Variants in OGA observed in about 807,000 individuals in gnomAD.
OGA encodes the protein O-GlcNAcase.
Under a neutral mutation model 102.0 loss-of-function variants are expected in OGA, and 21 were observed. The observed-to-expected ratio is 0.21, with a 90% confidence interval of 0.15 to 0.30. The LOEUF (loss-of-function observed/expected upper bound fraction) is 0.30, where lower values mean the gene tolerates loss of function less well. Among genes scored for constraint, OGA ranks in the 10% least tolerant of loss-of-function variants. The pLI, the probability that OGA is intolerant of heterozygous loss-of-function variation, is 1.00. For missense variants in OGA, 765 were observed against 1,107.8 expected, an observed-to-expected ratio of 0.69 and a Z score of 4.39; for synonymous variants, 408 against 378.2, an observed-to-expected ratio of 1.08 and a Z score of -0.91.
At chr10:101,788,276 A>G (rs1210899787) in intron 14 of OGA, among the ~76,000 whole-genome samples, 2 of 151,592 alleles carry the variant, frequency 1.3e-5, no homozygotes, top group Non-Finnish European at 2.9e-5. Context: ...TGTCTCTACT[A>G]AAAACATAAA....
intron 6 of OGA, among the ~76,000 whole-genome samples, chr10:101,804,778 A>G (rs1399791779): frequency 5.9e-5 from 9 of 151,538 alleles, no homozygotes; most frequent in African/African-American, 1.9e-4. Context: ...TTTTGTACAG[A>G]TAAGGGCTTG....
chr10:101,812,535 GAACA>G (rs1202353009), intron 3 of OGA, among the ~76,000 whole-genome samples: 1 of 152,208 alleles, frequency 6.6e-6, no homozygotes, highest in Non-Finnish European at 1.5e-5. Flanking sequence ...GAAGCAAAAG[GAACA>G]ATCAGTAGTG....
chr10:101,787,571 T>G (rs1391676367), intron 14 of OGA, 48 bp from the exon 15 acceptor site: 1 of 1,499,966 alleles, frequency 6.7e-7, no homozygotes. Context: ...ACGCATTAGA[T>G]ATCTAACCCA....
In OGA at chr10:101,817,908, C is replaced by T; in HGVS notation, c.115G>A (p.Glu39Lys). ...CCCCCAGCCCCGGCGGGGTTGTCTT[C>T]TCCGGGTGCCGGAGCTGCCGGCGGC... ...LEPPAAPAPG[E>K]DNPAGAGGAA... The change falls in exon 1 of 16, where the codon GAA (glutamate) becomes AAA (lysine). Residue 39 changes from glutamate (E) to lysine (K), a missense_variant. Glu to Lys is a moderately conservative substitution (Grantham distance 56). Coordinates refer to ENST00000361464, the MANE Select transcript of OGA (RefSeq NM_012215.5). 1.3e-6 allele frequency: 2 copies of T among 1,569,910 alleles called. No individual in the cohort carries two copies. Among genetic ancestry groups the T allele is most frequent in the East Asian group, 4.8e-5 (2 of 42,052 alleles).
At chr10:101,793,685 C>A in intron 11 of OGA, 2 of 448,188 alleles carry the variant, frequency 4.5e-6, no homozygotes, top group Middle Eastern at 6.8e-4. Context: ...GAAGTGTATA[C>A]CTAGAGCCGC....
rs1327806044 is a variant in OGA, at chr10:101,785,011, T to C, written c.*1440A>G. ...CTAGGTACAATGCTTTAGGGCTCTCTCAAAGCCCACAATGGTGGAGTTCTG... is the reference window on the plus strand; with the variant it reads ...CTAGGTACAATGCTTTAGGGCTCTCCCAAAGCCCACAATGGTGGAGTTCTG... On this transcript the variant is annotated 3_prime_UTR_variant, in exon 16 of 16. Coordinates refer to ENST00000361464, the MANE Select transcript of OGA (RefSeq NM_012215.5). 6.6e-6 allele frequency: 1 copy of C among 152,224 alleles called. No individual in the cohort carries two copies. The highest frequency in any genetic ancestry group is 1.5e-5 in the Non-Finnish European group (1 of 68,044). 9.4% of individuals were successfully genotyped at this position (152,224 alleles called of 1,614,324 possible).
intron 3 of OGA, among the ~76,000 whole-genome samples, chr10:101,810,969 G>A (rs2065546619): frequency 6.6e-6 from 1 of 151,860 alleles, no homozygotes; most frequent in Non-Finnish European, 1.5e-5. Flanking sequence ...GGGATTGCAG[G>A]CATGAGCCAT....
rs2065254068 is a variant in OGA at position 101,790,903 on chromosome 10, T to C, written c.2447A>G (p.Glu816Gly). ...TKPNGDKELSEAEKIMLSFHE... is the reference protein window; with the variant it reads ...TKPNGDKELSGAEKIMLSFHE... Reference sequence around the variant, plus strand: ...TCTTAACCTTTGTATTACCTCAGCCTCAGAGAGTTCCTTGTCACCATTTGG... The same window carrying C: ...TCTTAACCTTTGTATTACCTCAGCCCCAGAGAGTTCCTTGTCACCATTTGG... Residue 816 changes from glutamate (E) to glycine (G), a missense_variant, in exon 14 of 16, where the codon GAG (glutamate) becomes GGG (glycine). Around this residue, in one of 7 missense-constraint regions of OGA, gnomAD observed 146 missense variants for 269.7 expected, o/e 0.54. Transcript: ENST00000361464. 6.2e-7 allele frequency: 1 copy of C among 1,603,088 alleles called. No homozygotes were observed. Among genetic ancestry groups the C allele is most frequent in the Non-Finnish European group, 8.5e-7 (1 of 1,170,992 alleles).
chr10:101,795,128 C>G lies in OGA; in HGVS notation c.1985-1130G>C, dbSNP rs2065300206. On this transcript the variant is annotated intron_variant, in intron 10 of 15. Transcript: ENST00000361464. ...GTCAAAATTTAGACTATACGAGAAC[C>G]TGTCCCATTCCGTAACTCAGTGTAA... Among the ~76,000 whole-genome samples, 3 of 152,148 alleles carry G rather than the reference C, an allele frequency of 2.0e-5. No individual in the cohort carries two copies. In the South Asian group the frequency reaches 6.2e-4, roughly 32 times the overall value.
intron 7 of OGA, among the ~76,000 whole-genome samples, chr10:101,801,248 C>T (rs941012233): frequency 2.0e-5 from 3 of 151,896 alleles, no homozygotes; most frequent in African/African-American, 7.3e-5. Flanking sequence ...AAAAATTAGC[C>T]AGACGTGGTG....
rs555710737 is a variant in OGA at position 101,817,806 on chromosome 10, G to A, written c.199+18C>T. 79 of 1,535,768 alleles carry A rather than the reference G, an allele frequency of 5.1e-5. No individual in the cohort carries two copies. In the African/African-American group the frequency reaches 9.0e-4, roughly 18 times the overall value. Reference sequence around the variant, plus strand: ...GAACGTGTTAGTGCCAAAACGGGGAGGGAAGGAGGGCGCTCACCTTCCACC... The same window carrying A: ...GAACGTGTTAGTGCCAAAACGGGGAAGGAAGGAGGGCGCTCACCTTCCACC... On this transcript the variant is annotated intron_variant, in intron 1 of 15. Transcript: ENST00000361464.
At chr10:101,804,758 T>C (rs1041979400) in intron 6 of OGA, among the ~76,000 whole-genome samples, 2 of 149,608 alleles carry the variant, frequency 1.3e-5, no homozygotes, top group African/African-American at 2.5e-5. Flanking sequence ...GTCACAGTAA[T>C]TTAAAATTTT....
chr10:101,815,035 A>C (rs752641462), intron 1 of OGA, among the ~76,000 whole-genome samples: 9 of 152,186 alleles, frequency 5.9e-5, no homozygotes, highest in Non-Finnish European at 1.2e-4. Flanking sequence ...AGTACCATGA[A>C]GAAGGTTAAT....
At chr10:101,792,107 C>A (rs574713907) in intron 12 of OGA, among the ~76,000 whole-genome samples, 27 of 152,246 alleles carry the variant, frequency 1.8e-4, no homozygotes, top group Non-Finnish European at 2.5e-4. Context: ...CAAGCTCTGC[C>A]TCCCGGGTTC....
chr10:101,789,240 T>C (rs2065228030), intron 14 of OGA, among the ~76,000 whole-genome samples: 1 of 152,214 alleles, frequency 6.6e-6, no homozygotes, highest in Non-Finnish European at 1.5e-5. Flanking sequence ...GGCTCACGCC[T>C]ATAATCCTAG....
rs1454202637 is a variant in OGA, at chr10:101,799,414, C to T, written c.1237G>A (p.Asp413Asn). Reference sequence around the variant, plus strand: ...GGTGCTGCAACTAAAGGAGTCCCATCAACTACACTTGCTTTAGCTCCACTG... The same window carrying T: ...GGTGCTGCAACTAAAGGAGTCCCATTAACTACACTTGCTTTAGCTCCACTG... Reference protein sequence around the residue: ...AHSGAKASVVDGTPLVAAPSL... With the variant: ...AHSGAKASVVNGTPLVAAPSL... Residue 413 changes from aspartate to asparagine, a missense_variant, in exon 9 of 16, where the codon GAT becomes AAT. Physicochemically the swap from Asp to Asn is conservative, Grantham distance 23. Transcript: ENST00000361464. 6 of 1,613,918 alleles carry T rather than the reference C, an allele frequency of 3.7e-6. No homozygotes were observed. The highest frequency in any genetic ancestry group is 5.1e-6 in the Non-Finnish European group (6 of 1,179,936).
intron 1 of OGA, among the ~76,000 whole-genome samples, chr10:101,817,578 T>C (rs1442647945): frequency 6.6e-6 from 1 of 151,660 alleles, no homozygotes; most frequent in Non-Finnish European, 1.5e-5. Context: ...CCTTAGGAGG[T>C]GGCCTGGCTC....
At chr10:101,802,615 GCTGAGATTGCGCCA>G (rs2065407651) in intron 7 of OGA, among the ~76,000 whole-genome samples, 1 of 151,628 alleles carries the variant, frequency 6.6e-6, no homozygotes, top group Admixed American at 6.6e-5. Flanking sequence ...GTTGCAGGGA[GCTGAGATTGCGCCA>G]CTGCACTCCA....
intron 6 of OGA, 36 bp downstream of exon 6, chr10:101,806,009 A>C: frequency 7.1e-7 from 1 of 1,407,416 alleles, no homozygotes; most frequent in Non-Finnish European, 1.0e-6. Context: ...GTCCTACTTA[A>C]TTCAACTTTG....
Sources: allele counts gnomAD v4.1 joint callset (sites outside exome capture counted in the v4.1 genomes callset), GRCh38; gene constraint gnomAD v4.1.1; regional missense constraint gnomAD v4.1.1; transcripts MANE v1.5; gene names NCBI Gene and HGNC (gene_info 2026-07-23, HGNC 2026-07-21).